The following CPXM2 variants were observed in gnomAD, a reference collection of about 807,000 sequenced individuals.
CPXM2 encodes inactive carboxypeptidase-like protein X2.
In CPXM2, 66 loss-of-function variants were observed where a neutral mutation model predicts 86.1. The observed-to-expected ratio is 0.77, with a 90% confidence interval of 0.63 to 0.94. The LOEUF is 0.94. CPXM2 is among the 40% of genes least tolerant of loss of function. CPXM2 has a pLI of 0.00. For missense variants in CPXM2, 948 were observed against 1,026.3 expected (o/e 0.92, Z 1.04); for synonymous variants, 388 against 400.2 (o/e 0.97, Z 0.36).
intron 4 of CPXM2, among the ~76,000 whole-genome samples, chr10:123,800,368 C>G (rs1055877249): frequency 1.3e-5 from 2 of 152,150 alleles, no homozygotes; most frequent in African/African-American, 4.8e-5. Flanking sequence ...CACCACATTC[C>G]TCCTCTGAGA....
chr10:123,917,769 G>A (rs1945545624), intron 2 of CPXM2, among the ~76,000 whole-genome samples: 1 of 152,186 alleles, frequency 6.6e-6, no homozygotes, highest in South Asian at 2.1e-4. Flanking sequence ...AGCTTTTCAG[G>A]ACTGAGAAAG....
chr10:123,837,798 T>C (rs1201319868), intron 4 of CPXM2, among the ~76,000 whole-genome samples: 1 of 152,236 alleles, frequency 6.6e-6, no homozygotes, highest in African/African-American at 2.4e-5. Flanking sequence ...TCAAATAGCA[T>C]GAATTATTTG....
At position 123,761,985 on chromosome 10, in the gene CPXM2, T is replaced by A. The variant is rs770868672; in HGVS notation, c.1664A>T (p.Tyr555Phe). The A allele has an allele frequency of 1.9e-6, 3 of 1,613,680 alleles. No homozygotes were observed. Among genetic ancestry groups the A allele is most frequent in the Admixed American group, 3.3e-5 (2 of 59,996 alleles). Residue 555 changes from tyrosine to phenylalanine, a missense_variant, in exon 11 of 14, where the codon TAT becomes TTT. By Grantham distance (22) the Tyr-to-Phe change is conservative. Coordinates refer to ENST00000241305, the MANE Select transcript of CPXM2 (RefSeq NM_198148.3). ...DHVFRWLAYS[Y>F]ASTHRLMTDA... is the part of the protein sequence containing the mutation. ...TGTCATGAGGCGGTGTGTGGAGGCA[T>A]AGGAGTAGGCCAGCCAGCGGAACAC...
intron 4 of CPXM2, among the ~76,000 whole-genome samples, chr10:123,807,286 T>C (rs571105243): frequency 5.5e-4 from 84 of 152,312 alleles, no homozygotes; most frequent in South Asian, 1.7e-3. Context: ...AATGGAAATG[T>C]TCTGTCATTG....
At chr10:123,798,157 C>A (rs1436309305) in intron 5 of CPXM2, 31 bp from the exon 6 acceptor site, 1 of 1,541,428 alleles carries the variant, frequency 6.5e-7, no homozygotes, top group Non-Finnish European at 8.7e-7. Context: ...AAAGGAAAAT[C>A]TTTTAGTGCT....
intron 2 of CPXM2, among the ~76,000 whole-genome samples, chr10:123,937,465 AAAACAACACACACACACAC>A (rs1176441146): frequency 2.9e-5 from 4 of 139,778 alleles, no homozygotes; most frequent in African/African-American, 5.4e-5. Context: ...ACAAGACAAC[AAAACAACACACACACACAC>A]ACACACACAC....
chr10:123,886,317 T>C (rs1406812339), intron 1 of CPXM2, among the ~76,000 whole-genome samples: 2 of 152,132 alleles, frequency 1.3e-5, no homozygotes, highest in Non-Finnish European at 2.9e-5. Flanking sequence ...GAGAAGACAT[T>C]TCCATCCAAA....
At chr10:123,771,777 T>C (rs1275174057) in intron 7 of CPXM2, among the ~76,000 whole-genome samples, 2 of 152,140 alleles carry the variant, frequency 1.3e-5, no homozygotes, top group South Asian at 2.1e-4. Context: ...GTTTCCCTCA[T>C]GCTGTTCTTC....
chr10:123,746,552 C>G lies in CPXM2; in HGVS notation c.*212G>C, dbSNP rs1845974288. ...CTCCCATCAGCTTTTCTCTGCTGCTCTGTCCAAGTTATTTGGATAAATGGG... is the reference window on the plus strand; with the variant it reads ...CTCCCATCAGCTTTTCTCTGCTGCTGTGTCCAAGTTATTTGGATAAATGGG... On this transcript the variant is annotated 3_prime_UTR_variant, in exon 14 of 14. Transcript: ENST00000241305. 3.3e-6 allele frequency: 2 copies of G among 599,110 alleles called. No homozygotes were observed. Among genetic ancestry groups the G allele is most frequent in the South Asian group, 4.2e-5 (2 of 48,170 alleles). The allele number at this position is 599,110 out of a possible 1,614,324, so 37.1% of individuals were successfully genotyped here.
At chr10:123,780,098 C>T (rs1305723357) in intron 7 of CPXM2, 69 bp downstream of exon 7, 3 of 997,720 alleles carry the variant, frequency 3.0e-6, no homozygotes, top group South Asian at 2.6e-5. Context: ...AATTTAAGTG[C>T]TTATGGACAC....
intron 1 of CPXM2, among the ~76,000 whole-genome samples, chr10:123,881,896 G>A (rs1426923906): frequency 1.3e-5 from 2 of 152,218 alleles, no homozygotes; most frequent in African/African-American, 4.8e-5. Flanking sequence ...TGGGACTTAG[G>A]AGGCTGTGAT....
At chr10:123,794,752 TGTGTGTGTGTGTGTGTGC>T (rs1429050310) in intron 6 of CPXM2, among the ~76,000 whole-genome samples, 1 of 151,014 alleles carries the variant, frequency 6.6e-6, no homozygotes, top group African/African-American at 2.5e-5. Context: ...TGTGTGTGTG[TGTGTGTGTGTGTGTGTGC>T]GCATGTGTGT....
intron 7 of CPXM2, among the ~76,000 whole-genome samples, chr10:123,771,443 G>A (rs965728614): frequency 3.3e-5 from 5 of 152,038 alleles, no homozygotes; most frequent in East Asian, 1.9e-4. Context: ...GTGTCCTTAC[G>A]AAAGAGGCCC....
intron 2 of CPXM2, among the ~76,000 whole-genome samples, chr10:123,905,584 C>A (rs1057125774): frequency 3.9e-5 from 6 of 152,184 alleles, no homozygotes; most frequent in African/African-American, 1.4e-4. Flanking sequence ...TGGCCCAACC[C>A]AGCACAAGAG....
chr10:123,867,490 C>T (rs1301791838), intron 2 of CPXM2, among the ~76,000 whole-genome samples: 2 of 144,286 alleles, frequency 1.4e-5, no homozygotes, highest in East Asian at 2.1e-4. Flanking sequence ...TTCTTCTTTT[C>T]TTTCTACCTT....
intron 1 of CPXM2, among the ~76,000 whole-genome samples, chr10:123,880,828 C>CAA (rs71484548): frequency 0.11 from 5,993 of 53,696 alleles, 742 homozygotes; most frequent in Non-Finnish European, 0.14. Context: ...GATTCCGTCT[C>CAA]AAAAAAAAAA....
At chr10:123,906,452 G>A (rs892479036) in intron 2 of CPXM2, among the ~76,000 whole-genome samples, 4 of 152,154 alleles carry the variant, frequency 2.6e-5, no homozygotes, top group African/African-American at 9.7e-5. Context: ...GATCTTAATG[G>A]ATCTGCCAAA....
upstream of CPXM2, among the ~76,000 whole-genome samples, chr10:123,940,892 C>T (rs28690234): frequency 0.014 from 2,133 of 152,296 alleles, 23 homozygotes; most frequent in Non-Finnish European, 0.023. Flanking sequence ...TGGAAATGGG[C>T]CGGACACGGT....
chr10:123,861,221 G>C (rs904350434), intron 3 of CPXM2, among the ~76,000 whole-genome samples: 1 of 152,156 alleles, frequency 6.6e-6, no homozygotes, highest in Non-Finnish European at 1.5e-5. Flanking sequence ...TCAGGGCCAG[G>C]GGCAAGGAAC....
Sources: allele counts gnomAD v4.1 joint callset (sites outside exome capture counted in the v4.1 genomes callset), GRCh38; gene constraint gnomAD v4.1.1; transcripts MANE v1.5; gene names NCBI Gene and HGNC (gene_info 2026-07-23, HGNC 2026-07-21).